The following PCDH11Y variants were observed in gnomAD, a reference collection of about 807,000 sequenced individuals.
PCDH11Y encodes protocadherin 11 Y-linked, also known as protocadherin-11 Y-linked.
For synonymous variants in PCDH11Y, 9 were observed against 83.6 expected, an observed-to-expected ratio of 0.11 and a Z score of 4.87; for missense variants, 12 against 224.8, an observed-to-expected ratio of 0.05 and a Z score of 6.05.
At chrY:5,740,468 G>C in exon 5 of PCDH11Y, 1 of 32,096 alleles carries the variant, frequency 3.1e-5, no homozygotes, top group Non-Finnish European at 7.6e-5. Flanking sequence ...AATATTAAAT[G>C]ACTGGGCACC....
chrY:5,298,316 A>C, intron 2 of PCDH11Y, among the ~76,000 whole-genome samples: 1 of 33,390 alleles, frequency 3.0e-5, no homozygotes, highest in Non-Finnish European at 7.4e-5. Flanking sequence ...AGTCTAAATG[A>C]GGCAAGTAGC....
At chrY:5,494,384 A>C in intron 2 of PCDH11Y, among the ~76,000 whole-genome samples, 1 of 33,428 alleles carries the variant, frequency 3.0e-5, no homozygotes, top group South Asian at 6.6e-4. Context: ...CTGAAAGAAG[A>C]AGCTTCATCT....
intron 2 of PCDH11Y, among the ~76,000 whole-genome samples, chrY:5,134,455 T>A: frequency 3.0e-5 from 1 of 33,370 alleles, no homozygotes; most frequent in Admixed American, 2.7e-4. Flanking sequence ...GCTTTCAGAT[T>A]TTTCCCCATT....
chrY:5,466,534 AT>A (rs2053308355), intron 2 of PCDH11Y, among the ~76,000 whole-genome samples: 17 of 31,084 alleles, frequency 5.5e-4, no homozygotes, highest in African/African-American at 1.5e-3. Flanking sequence ...TCAATGTAGG[AT>A]TTTTTTTTTC....
At chrY:5,403,143 AT>A (rs2053235598) in intron 2 of PCDH11Y, among the ~76,000 whole-genome samples, 1 of 31,155 alleles carries the variant, frequency 3.2e-5, no homozygotes, top group African/African-American at 1.3e-4. Context: ...TAATTTTATA[AT>A]TGACCAAATT....
chrY:5,427,894 A>T, intron 2 of PCDH11Y, among the ~76,000 whole-genome samples: 1 of 33,251 alleles, frequency 3.0e-5, no homozygotes, highest in Non-Finnish European at 7.5e-5. Flanking sequence ...GAATGTCCTT[A>T]CACAAATCTA....
exon 5 of PCDH11Y, chrY:5,740,648 T>A: frequency 3.0e-5 from 1 of 33,375 alleles, no homozygotes; most frequent in Non-Finnish European, 7.4e-5. Flanking sequence ...TGATGATATC[T>A]TTTTCATCAC....
chrY:5,672,194 G>C, intron 4 of PCDH11Y, among the ~76,000 whole-genome samples: 1 of 31,718 alleles, frequency 3.2e-5, no homozygotes, highest in Non-Finnish European at 7.7e-5. Flanking sequence ...ACTCATCACG[G>C]ATATTGTCCT....
downstream of PCDH11Y, among the ~76,000 whole-genome samples, chrY:5,108,584 A>G (rs1186607471): frequency 6.7e-5 from 2 of 29,901 alleles, no homozygotes; most frequent in East Asian, 1.8e-3. Flanking sequence ...CGTCTCTACT[A>G]AAAATACAAA....
intron 4 of PCDH11Y, among the ~76,000 whole-genome samples, chrY:5,647,718 G>A (rs1602956002): frequency 6.1e-5 from 2 of 32,528 alleles, no homozygotes; most frequent in Admixed American, 5.7e-4. Flanking sequence ...TGTTGGTCAG[G>A]CTGGTCTCGA....
Position 5,449,476 on chromosome Y carries a change from A to G in PCDH11Y, c.3130-51581A>G. ...TGCTTTTTTATTTCATTCATGTGTA[A>G]GTAGCTTCTTAAGTTTAAATCATGC... On this transcript the variant is annotated intron_variant, in intron 2 of 4. Coordinates refer to the PCDH11Y transcript ENST00000400457. 8.9e-5 allele frequency among the ~76,000 whole-genome samples: 3 copies of G among 33,706 alleles called. No homozygotes were observed. The East Asian group carries it at 2.4e-3, about 27-fold the overall frequency. The allele number at this position is 33,706 out of a possible 37,273, so 90.4% of individuals were successfully genotyped here.
At chrY:5,386,186 G>C in intron 2 of PCDH11Y, among the ~76,000 whole-genome samples, 3 of 33,541 alleles carry the variant, frequency 8.9e-5, no homozygotes. Flanking sequence ...TAGGGCCCCA[G>C]TCCCTTCTAG....
chrY:5,321,322 C>A (rs2053112387), intron 2 of PCDH11Y, among the ~76,000 whole-genome samples: 2 of 32,438 alleles, frequency 6.2e-5, no homozygotes, highest in African/African-American at 2.4e-4. Context: ...GGAAACCACC[C>A]CCATGATTCA....
chrY:5,314,784 T>C (rs2053105482), intron 2 of PCDH11Y, among the ~76,000 whole-genome samples: 33 of 33,145 alleles, frequency 1.0e-3, no homozygotes, highest in Non-Finnish European at 4.4e-4. Flanking sequence ...CAAGATACAC[T>C]GTTGCATGTG....
intron 2 of PCDH11Y, among the ~76,000 whole-genome samples, chrY:5,186,186 A>G: frequency 8.9e-5 from 3 of 33,545 alleles, no homozygotes; most frequent in Non-Finnish European, 2.2e-4. Context: ...GGAAGATGAC[A>G]TAATCTTATA....
intron 3 of PCDH11Y, among the ~76,000 whole-genome samples, chrY:5,579,942 G>GAT (rs2053449346): frequency 6.7e-5 from 2 of 29,775 alleles, no homozygotes; most frequent in South Asian, 7.3e-4. Context: ...GATATATATA[G>GAT]ATATATATAT....
intron 1 of PCDH11Y, chrY:5,002,720 G>T: frequency 1.2e-4 from 4 of 33,947 alleles, no homozygotes; most frequent in African/African-American, 4.6e-4. Context: ...CCGTGTGCGG[G>T]CCGTCTTGAC....
At chrY:5,503,476 T>A (rs2053355815) in intron 3 of PCDH11Y, among the ~76,000 whole-genome samples, 1 of 33,022 alleles carries the variant, frequency 3.0e-5, no homozygotes, top group South Asian at 6.6e-4. Flanking sequence ...TGTTTAAATG[T>A]TATTTTTTTA....
At chrY:5,464,919 G>A (rs1602929308) in intron 2 of PCDH11Y, among the ~76,000 whole-genome samples, 5 of 33,012 alleles carry the variant, frequency 1.5e-4, no homozygotes, top group Admixed American at 1.1e-3. Flanking sequence ...TTATCAAGAT[G>A]GGCATAAAAA....
Sources: allele counts gnomAD v4.1 joint callset (sites outside exome capture counted in the v4.1 genomes callset), GRCh38; gene constraint gnomAD v4.1.1; transcripts MANE v1.5; gene names NCBI Gene and HGNC (gene_info 2026-07-23, HGNC 2026-07-21).